CNTNAP4: variants seen among roughly 807,000 people sequenced by gnomAD.
The protein encoded by CNTNAP4 is contactin-associated protein-like 4.
Under a neutral mutation model 148.4 loss-of-function variants are expected in CNTNAP4, and 98 were observed. The observed-to-expected ratio is 0.66, with a 90% confidence interval of 0.56 to 0.78. The LOEUF (loss-of-function observed/expected upper bound fraction) is 0.78, where lower values mean the gene tolerates loss of function less well. Ranked by LOEUF, CNTNAP4 falls within the 30% of genes least tolerant of loss-of-function variation. The pLI, the probability that CNTNAP4 is intolerant of heterozygous loss-of-function variation, is 0.00. For missense variants in CNTNAP4, 1,935 were observed against 1,565.6 expected, an observed-to-expected ratio of 1.24 and a Z score of -3.98; for synonymous variants, 730 against 565.1, an observed-to-expected ratio of 1.29 and a Z score of -4.14.
At chr16:76,388,289 A>T (rs894910405) in intron 3 of CNTNAP4, among the ~76,000 whole-genome samples, 5 of 152,238 alleles carry the variant, frequency 3.3e-5, no homozygotes, top group African/African-American at 7.2e-5. Context: ...TCACTCTCAG[A>T]GGAAGTCAGT....
chr16:76,405,132 C>A (rs569912318), intron 3 of CNTNAP4, among the ~76,000 whole-genome samples: 1 of 152,200 alleles, frequency 6.6e-6, no homozygotes. Context: ...ATTAAGATTG[C>A]TGTAATGTAG....
intron 4 of CNTNAP4, 92 bp downstream of exon 4, chr16:76,427,691 A>C (rs9938200): frequency 1.1e-5 from 13 of 1,207,104 alleles, no homozygotes; most frequent in Admixed American, 3.0e-5. Flanking sequence ...TTTTAGCTAC[A>C]TAAAGAGGTA....
intron 4 of CNTNAP4, among the ~76,000 whole-genome samples, chr16:76,430,171 T>C (rs2079558847): frequency 1.3e-5 from 2 of 152,178 alleles, no homozygotes; most frequent in African/African-American, 2.4e-5. Context: ...AAATGTGATA[T>C]TATATAGCCA....
intron 3 of CNTNAP4, among the ~76,000 whole-genome samples, chr16:76,423,092 A>C (rs2079248330): frequency 6.6e-6 from 1 of 152,178 alleles, no homozygotes; most frequent in South Asian, 2.1e-4. Flanking sequence ...AACATGAAGT[A>C]GGCCTTCACC....
At chr16:76,420,963 T>C (rs1422517956) in intron 3 of CNTNAP4, among the ~76,000 whole-genome samples, 1 of 152,016 alleles carries the variant, frequency 6.6e-6, no homozygotes, top group African/African-American at 2.4e-5. Flanking sequence ...ATCGTACATA[T>C]CATATCCTAA....
intron 17 of CNTNAP4, among the ~76,000 whole-genome samples, chr16:76,531,266 T>A (rs977942824): frequency 6.6e-6 from 1 of 152,094 alleles, no homozygotes; most frequent in African/African-American, 2.4e-5. Flanking sequence ...GCCACAAAAA[T>A]AGTGGAAAAT....
intron 1 of CNTNAP4, among the ~76,000 whole-genome samples, chr16:76,290,950 C>A (rs936568753): frequency 2.6e-5 from 4 of 152,120 alleles, no homozygotes; most frequent in African/African-American, 9.7e-5. Context: ...GTGGCCTTTC[C>A]TTTGTGCACA....
At chr16:76,557,322 G>C (rs1483817176) in intron 23 of CNTNAP4, 1 of 152,122 alleles carries the variant, frequency 6.6e-6, no homozygotes, top group Non-Finnish European at 1.5e-5. Context: ...AACAACCATA[G>C]TTTGTCTGTT....
At chr16:76,308,723 C>G (rs555381896) in intron 1 of CNTNAP4, among the ~76,000 whole-genome samples, 1 of 152,194 alleles carries the variant, frequency 6.6e-6, no homozygotes, top group Non-Finnish European at 1.5e-5. Context: ...GACATCTCCC[C>G]GAGGTGATGC....
At chr16:76,281,874 C>T (rs1958699985) in intron 1 of CNTNAP4, among the ~76,000 whole-genome samples, 1 of 151,780 alleles carries the variant, frequency 6.6e-6, no homozygotes, top group South Asian at 2.1e-4. Flanking sequence ...TATTCTTCCA[C>T]TTATTAGTAA....
chr16:76,386,783 G>A (rs1174516303), intron 3 of CNTNAP4, among the ~76,000 whole-genome samples: 1 of 152,152 alleles, frequency 6.6e-6, no homozygotes, highest in Non-Finnish European at 1.5e-5. Flanking sequence ...ATTTTAGGTT[G>A]TTAATCAGAT....
intron 21 of CNTNAP4, among the ~76,000 whole-genome samples, chr16:76,543,881 A>G (rs1052491681): frequency 4.6e-5 from 7 of 152,248 alleles, no homozygotes; most frequent in South Asian, 2.1e-4. Context: ...ACGTTTCCGC[A>G]CTTATCAAAT....
At chr16:76,505,962 C>T (rs1405850596) in intron 15 of CNTNAP4, among the ~76,000 whole-genome samples, 4 of 97,668 alleles carry the variant, frequency 4.1e-5, no homozygotes, top group African/African-American at 1.0e-4. Flanking sequence ...GAAGTAAATT[C>T]ATGGAACAGT....
At chr16:76,533,743 C>T (rs564715879) in intron 17 of CNTNAP4, among the ~76,000 whole-genome samples, 5 of 152,128 alleles carry the variant, frequency 3.3e-5, no homozygotes, top group Admixed American at 3.3e-4. Context: ...TCCAGGCATT[C>T]CAAAACTCTG....
intron 13 of CNTNAP4, 149 bp from the exon 14 acceptor site, chr16:76,494,761 A>G: frequency 5.2e-6 from 4 of 772,080 alleles, no homozygotes; most frequent in South Asian, 2.7e-5. Flanking sequence ...GCCAGCAATC[A>G]TACTGTTTTG....
At chr16:76,335,524 G>C (rs933197357) in intron 2 of CNTNAP4, among the ~76,000 whole-genome samples, 4 of 152,134 alleles carry the variant, frequency 2.6e-5, no homozygotes, top group Non-Finnish European at 1.5e-5. Context: ...GGAAGGATGA[G>C]GGTAAGACAT....
At chr16:76,471,337 C>T (rs932931726) in intron 10 of CNTNAP4, among the ~76,000 whole-genome samples, 2 of 152,254 alleles carry the variant, frequency 1.3e-5, no homozygotes, top group South Asian at 2.1e-4. Flanking sequence ...GTTGCTTGGA[C>T]GTAAAACACT....
intron 3 of CNTNAP4, among the ~76,000 whole-genome samples, chr16:76,393,530 G>C (rs908099509): frequency 6.6e-6 from 1 of 152,120 alleles, no homozygotes; most frequent in African/African-American, 2.4e-5. Flanking sequence ...GGGCCCCAAA[G>C]TGCTCACAGC....
At chr16:76,337,281 C>T (rs944925651) in intron 2 of CNTNAP4, among the ~76,000 whole-genome samples, 4 of 152,194 alleles carry the variant, frequency 2.6e-5, no homozygotes, top group African/African-American at 4.8e-5. Flanking sequence ...GGAACCAGCC[C>T]CCAGTATTTC....
Sources: gnomAD v4.1 joint callset for allele counts (sites outside exome capture counted in the v4.1 genomes callset) on GRCh38, gnomAD v4.1.1 for gene constraint, MANE v1.5 for transcripts, NCBI Gene and HGNC (gene_info 2026-07-23, HGNC 2026-07-21) for gene names.